Variants in PUDP observed in about 807,000 individuals in gnomAD.
PUDP encodes the protein pseudouridine 5'-phosphatase.
Under a neutral mutation model 9.4 loss-of-function variants are expected in PUDP, and 8 were observed. That is an observed-to-expected ratio of 0.85 (90% CI 0.50 to 1.53). PUDP has a LOEUF of 1.53. Ranked by LOEUF, PUDP falls within the 40% of genes most tolerant of loss-of-function variation. The pLI is 0.00. For missense variants in PUDP, 188 were observed against 189.7 expected, an observed-to-expected ratio of 0.99 and a Z score of 0.05; for synonymous variants, 99 against 80.7, an observed-to-expected ratio of 1.23 and a Z score of -1.22.
At chrX:7,080,892 C>G (rs1931063087) in intron 2 of PUDP, among the ~76,000 whole-genome samples, 1 of 101,467 alleles carries the variant, frequency 9.9e-6, no homozygotes, top group Admixed American at 1.1e-4. Context: ...GCACTCCAGC[C>G]TGGGTGACAG....
chrX:7,067,704 C>T (rs1354495503), intron 3 of PUDP, among the ~76,000 whole-genome samples: 1 of 111,764 alleles, frequency 8.9e-6, no homozygotes, highest in African/African-American at 3.3e-5. Context: ...GGAATGCCTT[C>T]TCTATTTGTG....
At chrX:6,940,826 C>T (rs868053771) in intron 3 of PUDP, among the ~76,000 whole-genome samples, 2 of 111,709 alleles carry the variant, frequency 1.8e-5, no homozygotes, top group African/African-American at 6.5e-5. Context: ...AGTGGAGCCC[C>T]AAGTACAAAG....
chrX:7,066,905 GCA>G lies in PUDP; in HGVS notation c.510+10313_510+10314del, dbSNP rs1450651449. On this transcript the variant is annotated intron_variant, in intron 3 of 3. Coordinates refer to ENST00000381077, the MANE Select transcript of PUDP (RefSeq NM_012080.5). ...CACACACGTGTGCGCACATGCATGC[GCA>G]CACACACACAGTGCTGATTAAATGA... Among the ~76,000 whole-genome samples the G allele has an allele frequency of 3.6e-5, 4 of 110,281 alleles. No individual in the cohort carries two copies. The South Asian group carries it at 1.5e-3, about 42-fold the overall frequency.
chrX:6,885,077 T>C (rs1377352231), intron 3 of PUDP, among the ~76,000 whole-genome samples: 1 of 112,379 alleles, frequency 8.9e-6, no homozygotes, highest in African/African-American at 3.2e-5. Context: ...GCAGAACATC[T>C]GTGCCTTAGA....
At chrX:7,036,670 T>A (rs188726387) in intron 1 of PUDP, among the ~76,000 whole-genome samples, 2 of 111,582 alleles carry the variant, frequency 1.8e-5, no homozygotes, top group East Asian at 5.7e-4. Flanking sequence ...TTGCTGCTTC[T>A]ATCATGACCT....
At chrX:6,804,382 CTT>C (rs1358645195) in intron 3 of PUDP, among the ~76,000 whole-genome samples, 1 of 111,673 alleles carries the variant, frequency 9.0e-6, no homozygotes, top group African/African-American at 3.3e-5. Flanking sequence ...GCTTTGAGGT[CTT>C]TGAAAATTAC....
At position 7,141,758 on chromosome X, in the gene PUDP, C is replaced by T. The variant is rs189720664; in HGVS notation, c.61+6295G>A. Among the ~76,000 whole-genome samples, 257 of 112,465 alleles carry T rather than the reference C, an allele frequency of 2.3e-3. 3 individuals carry two copies. The highest frequency in any genetic ancestry group is 7.9e-3 in the African/African-American group (243 of 30,951). On this transcript the variant is annotated intron_variant, in intron 1 of 3. Coordinates refer to ENST00000381077, the MANE Select transcript of PUDP (RefSeq NM_012080.5). ...TGGCTTGAAAGCTTTAAAGGACAGGCGGACTTTTGTGTTAGTGGCTAATGC... is the reference window on the plus strand; with the variant it reads ...TGGCTTGAAAGCTTTAAAGGACAGGTGGACTTTTGTGTTAGTGGCTAATGC...
chrX:6,937,248 TA>T, intron 3 of PUDP, among the ~76,000 whole-genome samples: 1 of 88,280 alleles, frequency 1.1e-5, no homozygotes, highest in Non-Finnish European at 2.2e-5. Context: ...AAGGCTACAG[TA>T]ACCAAAACAG....
At chrX:6,718,349 C>T (rs929343306) in intron 1 of PUDP, among the ~76,000 whole-genome samples, 11 of 112,056 alleles carry the variant, frequency 9.8e-5, no homozygotes, top group African/African-American at 2.9e-4. Flanking sequence ...ACTTAAGTGT[C>T]CATCAACAGA....
intron 3 of PUDP, among the ~76,000 whole-genome samples, chrX:6,883,347 C>T (rs1234555203): frequency 9.1e-6 from 1 of 110,107 alleles, no homozygotes; most frequent in African/African-American, 3.3e-5. Flanking sequence ...CATGGCGAAA[C>T]CCCATCTCCA....
At chrX:6,930,922 T>C (rs1251604994) in intron 3 of PUDP, among the ~76,000 whole-genome samples, 1 of 109,474 alleles carries the variant, frequency 9.1e-6, no homozygotes, top group Non-Finnish European at 1.9e-5. Context: ...CCCAGTTAAA[T>C]TTGAATGTCA....
upstream of PUDP, among the ~76,000 whole-genome samples, chrX:6,724,038 T>C (rs1924709338): frequency 8.9e-6 from 1 of 111,903 alleles, no homozygotes; most frequent in Admixed American, 9.5e-5. Context: ...TCTGTTACTG[T>C]TTTATTCCAA....
At chrX:7,062,927 A>G (rs966030609) in intron 3 of PUDP, among the ~76,000 whole-genome samples, 19 of 101,600 alleles carry the variant, frequency 1.9e-4, no homozygotes, top group Non-Finnish European at 3.0e-4. Flanking sequence ...CCAAAATACA[A>G]CTCATCCACT....
chrX:6,963,741 C>T (rs746220966), intron 3 of PUDP, among the ~76,000 whole-genome samples: 5 of 112,056 alleles, frequency 4.5e-5, no homozygotes, highest in African/African-American at 9.7e-5. Context: ...CCACCAAATG[C>T]TGTGCTCAAA....
intron 3 of PUDP, among the ~76,000 whole-genome samples, chrX:7,065,932 C>T (rs1231803470): frequency 8.9e-6 from 1 of 112,137 alleles, no homozygotes; most frequent in Non-Finnish European, 1.9e-5. Context: ...TGTGGTACTA[C>T]ATTAAATGAG....
chrX:6,974,706 A>G lies in PUDP; in HGVS notation c.*247+2427T>C, dbSNP rs746998689. ...TATGTGTCTTGGGGTTGCTCTTCTC[A>G]AGGAGTATCTTTGTGGTGTTCTCTG... is the stretch of plus-strand genomic sequence containing the variant. On this transcript the variant is annotated intron_variant and NMD_transcript_variant, in intron 3 of 3. Coordinates refer to the PUDP transcript ENST00000655425. Among the ~76,000 whole-genome samples the G allele has an allele frequency of 2.1e-3, 235 of 111,210 alleles. 2 individuals are homozygous for G. The highest frequency in any genetic ancestry group is 7.3e-3 in the African/African-American group (223 of 30,611).
At chrX:6,728,351 AAC>A (rs1248580827) in intron 3 of PUDP, among the ~76,000 whole-genome samples, 2 of 110,893 alleles carry the variant, frequency 1.8e-5, no homozygotes, top group African/African-American at 3.3e-5. Flanking sequence ...AGAGAAACAT[AAC>A]ACACACACAC....
intron 3 of PUDP, among the ~76,000 whole-genome samples, chrX:7,068,540 A>G (rs1051052559): frequency 8.9e-6 from 1 of 112,056 alleles, no homozygotes; most frequent in African/African-American, 3.2e-5. Flanking sequence ...CAATTCAGGA[A>G]GGGAAGAAAC....
intron 3 of PUDP, among the ~76,000 whole-genome samples, chrX:6,865,367 C>T (rs1927063405): frequency 8.9e-6 from 1 of 112,305 alleles, no homozygotes; most frequent in Admixed American, 9.5e-5. Context: ...ACATATCTTT[C>T]TAAATTCTCT....
Sources: allele counts gnomAD v4.1 joint callset (sites outside exome capture counted in the v4.1 genomes callset), GRCh38; gene constraint gnomAD v4.1.1; transcripts MANE v1.5; gene names NCBI Gene and HGNC (gene_info 2026-07-23, HGNC 2026-07-21).